GPR39: variants seen among roughly 807,000 people sequenced by gnomAD.
GPR39 encodes the protein zinc sensing receptor.
A neutral mutation model predicts 18.4 loss-of-function variants in GPR39; 23 were observed. That is an observed-to-expected ratio of 1.25 (90% CI 0.90 to 1.77). The LOEUF is 1.77. Among genes scored for constraint, GPR39 ranks in the 40% most tolerant of loss-of-function variants. The pLI is 0.00. For missense variants in GPR39, 647 were observed against 602.4 expected (o/e 1.07, Z -0.78); for synonymous variants, 280 against 257.9 (o/e 1.09, Z -0.82).
intron 1 of GPR39, among the ~76,000 whole-genome samples, chr2:132,615,587 G>A (rs74949772): frequency 0.014 from 2,183 of 152,194 alleles, 43 homozygotes; most frequent in Admixed American, 0.049. Flanking sequence ...GTGAGATCAG[G>A]GTCTCTTAAA....
chr2:132,633,196 G>A (rs76516214), intron 1 of GPR39, among the ~76,000 whole-genome samples: 2,234 of 152,304 alleles, frequency 0.015, 59 homozygotes, highest in African/African-American at 0.051. Flanking sequence ...TGAGCACAGG[G>A]AGTTGGGGAA....
At chr2:132,499,816 G>T (rs559037734) in intron 1 of GPR39, among the ~76,000 whole-genome samples, 50 of 151,686 alleles carry the variant, frequency 3.3e-4, no homozygotes, top group Middle Eastern at 3.4e-3. Context: ...GTATTGTATT[G>T]TATTTATTTA....
chr2:132,442,145 C>T lies in GPR39; in HGVS notation c.856+24247C>T, dbSNP rs943519599. On this transcript the variant is annotated intron_variant, in intron 1 of 1. Coordinates refer to ENST00000329321, the MANE Select transcript of GPR39 (RefSeq NM_001508.3). ...AGTGAGTACCACCCAACCACTTTTT[C>T]CTTCCCTCTTAGAAAAAGGGACGTG... is the stretch of plus-strand genomic sequence containing the variant. Among the ~76,000 whole-genome samples the T allele has an allele frequency of 1.3e-5, 2 of 152,224 alleles. 1 individual carries two copies. Among genetic ancestry groups the T allele is most frequent in the Middle Eastern group, 6.8e-3 (2 of 294 alleles).
chr2:132,454,118 G>A (rs539346708), intron 1 of GPR39, among the ~76,000 whole-genome samples: 13 of 152,308 alleles, frequency 8.5e-5, no homozygotes, highest in Admixed American at 3.3e-4. Flanking sequence ...CATGATCATG[G>A]AATGTTCTTC....
intron 1 of GPR39, among the ~76,000 whole-genome samples, chr2:132,464,157 A>T (rs1680881393): frequency 6.6e-6 from 1 of 152,170 alleles, no homozygotes; most frequent in South Asian, 2.1e-4. Context: ...TGTGAAAGGG[A>T]GCTGAAGAAG....
intron 1 of GPR39, among the ~76,000 whole-genome samples, chr2:132,459,650 C>A (rs1413226757): frequency 1.3e-5 from 2 of 152,208 alleles, no homozygotes; most frequent in Non-Finnish European, 2.9e-5. Context: ...GTAGGTGCTG[C>A]ATACATGATC....
At chr2:132,552,930 A>T (rs1680074396) in intron 1 of GPR39, among the ~76,000 whole-genome samples, 1 of 141,176 alleles carries the variant, frequency 7.1e-6, no homozygotes, top group African/African-American at 2.6e-5. Context: ...ACACACACAC[A>T]CACATATATA....
rs774781849 is a variant in GPR39 at position 132,645,674 on chromosome 2, G to A, written c.*68G>A. On this transcript the variant is annotated 3_prime_UTR_variant, in exon 2 of 2. Transcript: ENST00000329321. ...CCTAAGAAAACGTCACTCTCACTCT[G>A]CAGTCTCAAACTATGCCCCCATCAG... 3.8e-5 allele frequency: 58 copies of A among 1,544,208 alleles called. No individual in the cohort carries two copies. The East Asian group carries it at 4.9e-4, about 13-fold the overall frequency.
Position 132,417,884 on chromosome 2 carries a change from C to T in GPR39, c.842C>T (p.Thr281Ile). ...GAGAGCAGGACCGCCAGGAGGCAGA[C>T]CATCATCTTCCTGAGTGAGTCCTAA... ...SEESRTARRQ[T>I]IIFLRLIVVT... Residue 281 changes from threonine (T) to isoleucine (I), a missense_variant, in exon 1 of 2, where the codon ACC becomes ATC. Around this residue, in one of 3 missense-constraint regions of GPR39, gnomAD observed 581 missense variants for 506.8 expected, o/e 1.15. Coordinates refer to ENST00000329321, the MANE Select transcript of GPR39 (RefSeq NM_001508.3). 1 of 1,588,818 alleles carries T rather than the reference C, an allele frequency of 6.3e-7. No homozygotes were observed. The highest frequency in any genetic ancestry group is 8.5e-7 in the Non-Finnish European group (1 of 1,169,900).
chr2:132,417,935 C>A, intron 1 of GPR39, 37 bp downstream of exon 1: 1 of 1,536,776 alleles, frequency 6.5e-7, no homozygotes, highest in East Asian at 2.3e-5. Flanking sequence ...TGAGCAGCTT[C>A]CCAACCTTCC....
In GPR39 at chr2:132,646,160, G is replaced by GGGGTGTTGCAGC. The variant is rs1682063647; in HGVS notation, c.*555_*566dup. 6.2e-7 allele frequency: 1 copy of GGGGTGTTGCAGC among 1,611,986 alleles called. No homozygotes were observed. Among genetic ancestry groups the GGGGTGTTGCAGC allele is most frequent in the African/African-American group, 1.3e-5 (1 of 74,916 alleles). ...CTTGGGCCTTGGCCCGTTACAAAGA[G>GGGGTGTTGCAGC]GGGTGTTGCAGCAGCTGATGCAAAC... On this transcript the variant is annotated 3_prime_UTR_variant, in exon 2 of 2. Coordinates refer to ENST00000329321, the MANE Select transcript of GPR39 (RefSeq NM_001508.3).
intron 1 of GPR39, among the ~76,000 whole-genome samples, chr2:132,496,276 C>A (rs1681640247): frequency 6.6e-6 from 1 of 152,148 alleles, no homozygotes; most frequent in Non-Finnish European, 1.5e-5. Flanking sequence ...TAAGGCCTGG[C>A]TCAGTGTATT....
At chr2:132,536,517 T>C (rs1424320287) in intron 1 of GPR39, among the ~76,000 whole-genome samples, 1 of 152,238 alleles carries the variant, frequency 6.6e-6, no homozygotes, top group Non-Finnish European at 1.5e-5. Flanking sequence ...AGAAGTGCCA[T>C]GTGCCACTGA....
chr2:132,617,618 T>G (rs1445382845), intron 1 of GPR39, among the ~76,000 whole-genome samples: 1 of 152,204 alleles, frequency 6.6e-6, no homozygotes, highest in East Asian at 1.9e-4. Context: ...GCTTTTCTTA[T>G]GTTGGGTAAA....
chr2:132,417,537 G>A lies in GPR39; in HGVS notation c.495G>A (p.Leu165=). The A allele has an allele frequency of 1.9e-6, 3 of 1,614,134 alleles. No homozygotes were observed. Among genetic ancestry groups the A allele is most frequent in the Non-Finnish European group, 2.5e-6 (3 of 1,180,032 alleles). The part of the protein sequence containing the change: ...LIGFVWVTSA[L]VALPLLFAMG... ...GCTTCGTCTGGGTCACCTCCGCCCT[G>A]GTGGCACTGCCCTTGCTGTTTGCCA... The change falls in exon 1 of 2, where the codon CTG becomes CTA. Residue 165 remains leucine (L), a synonymous_variant. Coordinates refer to ENST00000329321, the MANE Select transcript of GPR39 (RefSeq NM_001508.3).
At position 132,533,123 on chromosome 2, in the gene GPR39, A is replaced by C. The variant is rs527504288; in HGVS notation, c.857-111978A>C. On this transcript the variant is annotated intron_variant, in intron 1 of 1. Transcript: ENST00000329321. ...CATCGTCTCAGCCCAAAATCTCCTT[A>C]AGCTGATAAACAACTCAGCGAAGTC... Among the ~76,000 whole-genome samples the C allele has an allele frequency of 6.6e-5, 10 of 152,308 alleles. No homozygotes were observed. In the South Asian group the frequency reaches 8.3e-4, roughly 13 times the overall value.
chr2:132,490,443 C>T (rs1334998469), intron 1 of GPR39, among the ~76,000 whole-genome samples: 4 of 151,802 alleles, frequency 2.6e-5, no homozygotes, highest in African/African-American at 7.3e-5. Flanking sequence ...CGATATTTAA[C>T]GTATACTTAA....
At chr2:132,431,550 C>T (rs1439674756) in intron 1 of GPR39, among the ~76,000 whole-genome samples, 1 of 152,194 alleles carries the variant, frequency 6.6e-6, no homozygotes, top group Admixed American at 6.5e-5. Context: ...ACTGTTTTCT[C>T]TCCCTGCAAA....
At chr2:132,476,317 A>G (rs963487524) in intron 1 of GPR39, among the ~76,000 whole-genome samples, 1 of 152,110 alleles carries the variant, frequency 6.6e-6, no homozygotes, top group African/African-American at 2.4e-5. Flanking sequence ...CTGAGGCAAA[A>G]TGTATTTCTT....
Sources: gnomAD v4.1 joint callset for allele counts (sites outside exome capture counted in the v4.1 genomes callset) on GRCh38, gnomAD v4.1.1 for gene constraint, gnomAD v4.1.1 regional missense constraint, MANE v1.5 for transcripts, NCBI Gene and HGNC (gene_info 2026-07-23, HGNC 2026-07-21) for gene names.